CD302: variants seen among roughly 807,000 people sequenced by gnomAD.
CD302 encodes CD302 molecule, also known as CD302 antigen.
Under a neutral mutation model 26.5 loss-of-function variants are expected in CD302, and 23 were observed. The observed-to-expected ratio is 0.87, with a 90% CI of 0.62 to 1.23. The LOEUF (loss-of-function observed/expected upper bound fraction) is 1.23, where lower values mean the gene tolerates loss of function less well. Among genes scored for constraint, CD302 ranks in the 50% most tolerant of loss-of-function variants. CD302 has a pLI of 0.00. For synonymous variants in CD302, 90 were observed against 99.4 expected (o/e 0.91, Z 0.56); for missense variants, 290 against 275.5 (o/e 1.05, Z -0.37).
chr2:159,773,905 A>G (rs897903061), intron 5 of CD302, among the ~76,000 whole-genome samples: 1 of 152,162 alleles, frequency 6.6e-6, no homozygotes, highest in African/African-American at 2.4e-5. Context: ...TTAGCCTAAC[A>G]ATGTTCCTTA....
rs1708115659 is a variant in CD302 at position 159,770,658 on chromosome 2, A to G, written c.*1193T>C. 6.6e-6 allele frequency: 1 copy of G among 152,136 alleles called. No homozygotes were observed. The highest frequency in any genetic ancestry group is 2.4e-5 in the African/African-American group (1 of 41,412). 9.4% of individuals were successfully genotyped at this position (152,136 alleles called of 1,614,324 possible). ...TAGAACAGTGTTTCCTTAGTAGACC[A>G]TATTTTTACTGTACCTTTTCTATAT... On this transcript the variant is annotated 3_prime_UTR_variant, in exon 6 of 6. Coordinates refer to ENST00000259053, the MANE Select transcript of CD302 (RefSeq NM_014880.5).
rs1708403297 is a variant in CD302, at chr2:159,778,399, A to C, written c.470-435T>G. On this transcript the variant is annotated intron_variant, in intron 4 of 5. Transcript: ENST00000259053. ...ACTTTGTTTATGTAATGGCACCCTG[A>C]GGTGCAGAACCTGAAAAGAACCAAT... Among the ~76,000 whole-genome samples, 3 of 152,254 alleles carry C rather than the reference A, an allele frequency of 2.0e-5. No individual in the cohort carries two copies. The South Asian group carries it at 6.2e-4, about 32-fold the overall frequency.
In CD302 at chr2:159,769,594, C is replaced by T. The variant is rs1708068338; in HGVS notation, c.*2257G>A. ...CTGCAAGGCGGAGATTGGAGAGAGC[C>T]AAGATCGAGCCACTGCACTGTAGCC... is the stretch of plus-strand genomic sequence containing the variant. On this transcript the variant is annotated 3_prime_UTR_variant, in exon 6 of 6. Coordinates refer to ENST00000259053, the MANE Select transcript of CD302 (RefSeq NM_014880.5). The T allele has an allele frequency of 6.6e-6, 1 of 152,016 alleles. No homozygotes were observed. The highest frequency in any genetic ancestry group is 6.6e-5 in the Admixed American group (1 of 15,248). 9.4% of individuals were successfully genotyped at this position (152,016 alleles called of 1,614,324 possible). A position where few individuals can be genotyped will look rare whatever the true frequency, so the allele number is the denominator to read the frequency against.
Position 159,770,872 on chromosome 2 carries a change from C to A in CD302, c.*979G>T, listed in dbSNP as rs917623706. ...TGATAAGTGATACGTGACTAATTTA[C>A]GTGAAATTTATACATTCTTTATCTT... On this transcript the variant is annotated 3_prime_UTR_variant, in exon 6 of 6. Coordinates refer to ENST00000259053, the MANE Select transcript of CD302 (RefSeq NM_014880.5). 1 of 152,074 alleles carries A rather than the reference C, an allele frequency of 6.6e-6. No individual in the cohort carries two copies. Among genetic ancestry groups the A allele is most frequent in the Non-Finnish European group, 1.5e-5 (1 of 67,982 alleles). The allele number at this position is 152,074 out of a possible 1,614,324, so 9.4% of individuals were successfully genotyped here.
chr2:159,775,211 A>G (rs1023353815), intron 5 of CD302, among the ~76,000 whole-genome samples: 3 of 152,216 alleles, frequency 2.0e-5, no homozygotes, highest in African/African-American at 7.2e-5. Flanking sequence ...CTCTGTCTTC[A>G]ATGTCTAACT....
intron 1 of CD302, among the ~76,000 whole-genome samples, chr2:159,786,777 AT>A (rs1708677878): frequency 6.6e-6 from 1 of 152,174 alleles, no homozygotes; most frequent in South Asian, 2.1e-4. Context: ...AGGTTGGTGA[AT>A]TTTTTTCTTT....
Position 159,780,973 on chromosome 2 carries a change from A to T in CD302, c.204T>A (p.Asn68Lys). 1 of 1,613,090 alleles carries T rather than the reference A, an allele frequency of 6.2e-7. No homozygotes were observed. The highest frequency in any genetic ancestry group is 1.3e-5 in the African/African-American group (1 of 75,002). ...DHGADMISIH[N>K]EEENAFILDT... is the part of the protein sequence containing the mutation. ...CCAGTATAAAAGCATTTTCTTCTTC[A>T]TTATGTATGCTTATCATGTCCGCTC... The change falls in exon 3 of 6, where the codon AAT (asparagine) becomes AAA (lysine). Residue 68 changes from asparagine to lysine, a missense_variant. Asn to Lys is a moderately conservative substitution (Grantham distance 94, BLOSUM62 0). Coordinates refer to ENST00000259053, the MANE Select transcript of CD302 (RefSeq NM_014880.5).
chr2:159,768,842 A>G lies in CD302; in HGVS notation c.*3009T>C, dbSNP rs1708036025. On this transcript the variant is annotated 3_prime_UTR_variant, in exon 6 of 6. Coordinates refer to ENST00000259053, the MANE Select transcript of CD302 (RefSeq NM_014880.5). ...TATACTTTTAATAAAATTCAGTATG[A>G]CAGTTGTCTTCTGCTTAACCCATAA... is the stretch of plus-strand genomic sequence containing the variant. 1 of 152,154 alleles carries G rather than the reference A, an allele frequency of 6.6e-6. No homozygotes were observed. Among genetic ancestry groups the G allele is most frequent in the Non-Finnish European group, 1.5e-5 (1 of 68,004 alleles). The allele number at this position is 152,154 out of a possible 1,614,324, so 9.4% of individuals were successfully genotyped here.
intron 2 of CD302, among the ~76,000 whole-genome samples, chr2:159,782,279 G>A (rs1041835063): frequency 2.0e-5 from 3 of 151,844 alleles, no homozygotes; most frequent in Non-Finnish European, 2.9e-5. Flanking sequence ...CGGGCCTATT[G>A]GTGGGCGCTG....
intron 1 of CD302, among the ~76,000 whole-genome samples, chr2:159,794,700 C>T (rs934220907): frequency 1.3e-5 from 2 of 151,444 alleles, no homozygotes; most frequent in East Asian, 3.9e-4. Flanking sequence ...AGGTGCCTGC[C>T]ACCACGCCCG....
chr2:159,793,438 GAAAA>G (rs572169597), intron 1 of CD302, among the ~76,000 whole-genome samples: 1 of 144,192 alleles, frequency 6.9e-6, no homozygotes, highest in South Asian at 2.2e-4. Flanking sequence ...TTTAAAAAAA[GAAAA>G]AAAAAACAGG....
intron 1 of CD302, among the ~76,000 whole-genome samples, chr2:159,789,022 A>G (rs1424670508): frequency 6.8e-6 from 1 of 148,036 alleles, no homozygotes; most frequent in Non-Finnish European, 1.5e-5. Context: ...GGTAACTCCA[A>G]TTTTTTTTTT....
chr2:159,777,867 T>C, intron 5 of CD302, 71 bp downstream of exon 5: 1 of 763,630 alleles, frequency 1.3e-6, no homozygotes, highest in African/African-American at 1.8e-5. Context: ...ATCTGTAATG[T>C]ATTTTAATAT....
rs1229795654 is a variant in CD302, at chr2:159,769,549, CAGG to C, written c.*2299_*2301del. On this transcript the variant is annotated 3_prime_UTR_variant, in exon 6 of 6. Coordinates refer to ENST00000259053, the MANE Select transcript of CD302 (RefSeq NM_014880.5). ...GTCCCAGCTACTAAGGAGGCTGAGG[CAGG>C]AGAATTGCTTGAAAACCTGCAAGGC... is the stretch of plus-strand genomic sequence containing the variant. 1 of 152,068 alleles carries C rather than the reference CAGG, an allele frequency of 6.6e-6. No individual in the cohort carries two copies. Among genetic ancestry groups the C allele is most frequent in the African/African-American group, 2.4e-5 (1 of 41,370 alleles). The allele number at this position is 152,068 out of a possible 1,614,324, so 9.4% of individuals were successfully genotyped here.
chr2:159,795,543 G>C (rs199548879), intron 1 of CD302, among the ~76,000 whole-genome samples: 2 of 152,206 alleles, frequency 1.3e-5, no homozygotes, highest in Non-Finnish European at 2.9e-5. Flanking sequence ...ATTCAGAAAG[G>C]CTTGGAAAAG....
chr2:159,783,444 C>T lies in CD302; in HGVS notation c.93G>A (p.Gln31=), dbSNP rs754715062. The T allele has an allele frequency of 6.2e-7, 1 of 1,610,754 alleles. No individual in the cohort carries two copies. Among genetic ancestry groups the T allele is most frequent in the East Asian group, 2.2e-5 (1 of 44,748 alleles). The change falls in exon 2 of 6, where the codon CAG becomes CAA. Residue 31 remains glutamine (Q), a synonymous_variant. Coordinates refer to ENST00000259053, the MANE Select transcript of CD302 (RefSeq NM_014880.5). ...VADCPSSTWI[Q]FQDSCYIFLQ... ...GAAAAATGTAACAACTGTCTTGGAA[C>T]TGAATCCAAGTAGATGAAGGACAGT...
In CD302 at chr2:159,769,955, T is replaced by G. The variant is rs1000891579; in HGVS notation, c.*1896A>C. The G allele has an allele frequency of 6.6e-6, 1 of 152,230 alleles. No homozygotes were observed. Among genetic ancestry groups the G allele is most frequent in the Non-Finnish European group, 1.5e-5 (1 of 68,036 alleles). The allele number at this position is 152,230 out of a possible 1,614,324, so 9.4% of individuals were successfully genotyped here. ...GCTAATGTAATTCGAAAACTGGATT[T>G]TAAACTAAATTTACTTAAATAGCCT... On this transcript the variant is annotated 3_prime_UTR_variant, in exon 6 of 6. Coordinates refer to ENST00000259053, the MANE Select transcript of CD302 (RefSeq NM_014880.5).
At chr2:159,772,224 C>T (rs1399821813) in intron 5 of CD302, among the ~76,000 whole-genome samples, 171 bp from the exon 6 acceptor site, 1 of 152,200 alleles carries the variant, frequency 6.6e-6, no homozygotes, top group Non-Finnish European at 1.5e-5. Flanking sequence ...ATTTATATTT[C>T]TTAGCCTGAA....
chr2:159,774,452 C>T (rs1359293399), intron 5 of CD302, among the ~76,000 whole-genome samples: 1 of 152,154 alleles, frequency 6.6e-6, no homozygotes, highest in Non-Finnish European at 1.5e-5. Context: ...CCGAACTATA[C>T]ATAATCCACC....
Sources: allele counts gnomAD v4.1 joint callset (sites outside exome capture counted in the v4.1 genomes callset), GRCh38; gene constraint gnomAD v4.1.1; transcripts MANE v1.5; gene names NCBI Gene and HGNC (gene_info 2026-07-23, HGNC 2026-07-21).